The following MYO9A variants were observed in gnomAD, a reference collection of about 807,000 sequenced individuals.
MYO9A encodes myosin IXA.
Under a neutral mutation model 293.3 loss-of-function variants are expected in MYO9A, and 103 were observed. That is an observed-to-expected ratio of 0.35 (90% CI 0.30 to 0.41). The LOEUF (loss-of-function observed/expected upper bound fraction) is 0.41. Ranked by LOEUF, MYO9A falls within the 10% of genes least tolerant of loss-of-function variation. The probability of loss-of-function intolerance (pLI) is 1.00; values close to 1 mark genes in which losing one functional copy is unlikely to be tolerated. For missense variants in MYO9A, 2,685 were observed against 3,033.0 expected (o/e 0.89, Z 2.69); for synonymous variants, 1,001 against 1,035.7 (o/e 0.97, Z 0.64).
intron 39 of MYO9A, among the ~76,000 whole-genome samples, chr15:71,830,783 G>A (rs1483115611): frequency 6.6e-6 from 1 of 152,126 alleles, no homozygotes; most frequent in Non-Finnish European, 1.5e-5. Context: ...GGATAACAGT[G>A]CTCTATAACT....
chr15:71,949,861 T>G (rs917037779), intron 15 of MYO9A, among the ~76,000 whole-genome samples: 15 of 151,996 alleles, frequency 9.9e-5, no homozygotes, highest in Non-Finnish European at 2.2e-4. Flanking sequence ...TGGTGGTGGT[T>G]TTCTATCTCT....
chr15:71,986,495 A>G (rs569327143), intron 11 of MYO9A, among the ~76,000 whole-genome samples: 1 of 152,310 alleles, frequency 6.6e-6, no homozygotes, highest in South Asian at 2.1e-4. Flanking sequence ...GTCAAGAACC[A>G]ACTGCATATA....
At chr15:71,951,159 T>C (rs1243239856) in intron 15 of MYO9A, among the ~76,000 whole-genome samples, 2 of 152,190 alleles carry the variant, frequency 1.3e-5, no homozygotes, top group East Asian at 1.9e-4. Flanking sequence ...AAACCAGACA[T>C]AGGAAAGGCT....
At chr15:71,849,520 C>T (rs1349214474) in intron 38 of MYO9A, among the ~76,000 whole-genome samples, 1 of 151,970 alleles carries the variant, frequency 6.6e-6, no homozygotes, top group African/African-American at 2.4e-5. Context: ...AATGCCCAGG[C>T]TACACGCTAC....
At chr15:71,970,944 G>C (rs1479730395) in intron 12 of MYO9A, among the ~76,000 whole-genome samples, 1 of 151,606 alleles carries the variant, frequency 6.6e-6, no homozygotes, top group Non-Finnish European at 1.5e-5. Flanking sequence ...GGATCACAAG[G>C]TCAGGAGGTC....
At position 72,013,853 on chromosome 15, in the gene MYO9A, T is replaced by C. The variant is rs181912153; in HGVS notation, c.1156-3406A>G. ...ATGGAGTCTCACTCTGTTGCCGAGG[T>C]TGGAGTGCAGTGGCACAATCCCAGC... On this transcript the variant is annotated intron_variant, in intron 6 of 41. Transcript: ENST00000356056. Among the ~76,000 whole-genome samples the C allele has an allele frequency of 3.2e-4, 49 of 152,310 alleles. No homozygotes were observed. The East Asian group carries it at 7.9e-3, about 25-fold the overall frequency.
chr15:71,906,118 A>G (rs890960715), intron 19 of MYO9A, among the ~76,000 whole-genome samples: 4 of 152,100 alleles, frequency 2.6e-5, no homozygotes, highest in Non-Finnish European at 5.9e-5. Context: ...TCGCTTTTAC[A>G]TATTCTAAAT....
intron 18 of MYO9A, among the ~76,000 whole-genome samples, chr15:71,926,692 G>A (rs1383203642): frequency 6.6e-6 from 1 of 152,220 alleles, no homozygotes; most frequent in African/African-American, 2.4e-5. Context: ...GGGTGACAGT[G>A]TGGCTGTGGG....
intron 19 of MYO9A, among the ~76,000 whole-genome samples, chr15:71,909,010 T>C (rs1237180519): frequency 6.6e-6 from 1 of 152,214 alleles, no homozygotes; most frequent in Admixed American, 6.5e-5. Flanking sequence ...TCTTATGGTA[T>C]GTAGCCTTTT....
At chr15:72,118,377 A>C (rs1485829120), upstream of MYO9A, 1 of 164,114 alleles carries the variant, frequency 6.1e-6, no homozygotes, top group African/African-American at 2.4e-5. Context: ...GTTGGGGACG[A>C]AACCTCTGAG....
At chr15:72,000,594 C>T (rs1275719281) in intron 8 of MYO9A, among the ~76,000 whole-genome samples, 1 of 152,010 alleles carries the variant, frequency 6.6e-6, no homozygotes, top group East Asian at 1.9e-4. Context: ...CTATAAAGTA[C>T]CATATTGCCC....
Position 71,895,454 on chromosome 15 carries a change from C to G in MYO9A, c.5043-1676G>C, listed in dbSNP as rs1164228329. 2.0e-5 allele frequency among the ~76,000 whole-genome samples: 3 copies of G among 152,158 alleles called. No individual in the cohort carries two copies. In the East Asian group the frequency reaches 5.8e-4, roughly 29 times the overall value. On this transcript the variant is annotated intron_variant, in intron 25 of 41. Coordinates refer to ENST00000356056, the MANE Select transcript of MYO9A (RefSeq NM_006901.4). ...CTAGTATTACTTTCTAATTATAAAA[C>G]CCAATGCCGATCCTTAATGATGAAA... is the stretch of plus-strand genomic sequence containing the variant.
At chr15:71,893,632 A>C (rs760954685) in intron 26 of MYO9A, 47 bp downstream of exon 26, 2 of 1,422,072 alleles carry the variant, frequency 1.4e-6, no homozygotes, top group African/African-American at 2.8e-5. Context: ...AAAATAATGT[A>C]CATCTCTTTT....
At chr15:71,969,081 A>C (rs979206914) in intron 12 of MYO9A, among the ~76,000 whole-genome samples, 2 of 152,222 alleles carry the variant, frequency 1.3e-5, no homozygotes, top group Admixed American at 6.5e-5. Context: ...CAAACTAGGT[A>C]ACCTTCTTTG....
At chr15:72,058,961 T>C (rs1003566762) in intron 1 of MYO9A, among the ~76,000 whole-genome samples, 1 of 152,240 alleles carries the variant, frequency 6.6e-6, no homozygotes, top group Non-Finnish European at 1.5e-5. Context: ...TCAAAATATA[T>C]ACATTAATTT....
At chr15:72,110,299 G>T (rs559984170) in intron 1 of MYO9A, among the ~76,000 whole-genome samples, 9 of 149,830 alleles carry the variant, frequency 6.0e-5, no homozygotes, top group African/African-American at 7.4e-5. Context: ...AGCTGGGCAC[G>T]GTGGCAGGCA....
At chr15:71,995,611 T>C (rs1045434227) in intron 9 of MYO9A, among the ~76,000 whole-genome samples, 3 of 151,520 alleles carry the variant, frequency 2.0e-5, no homozygotes, top group African/African-American at 2.4e-5. Context: ...CAGAACTGAG[T>C]CTTAGCACTT....
intron 1 of MYO9A, among the ~76,000 whole-genome samples, chr15:72,088,695 T>A (rs1057245714): frequency 6.6e-6 from 1 of 152,178 alleles, no homozygotes; most frequent in African/African-American, 2.4e-5. Flanking sequence ...AAAAAATATA[T>A]ATATGTATAT....
At chr15:72,103,626 CAGA>C (rs1189117963) in intron 1 of MYO9A, among the ~76,000 whole-genome samples, 1 of 116,892 alleles carries the variant, frequency 8.6e-6, no homozygotes, top group South Asian at 3.4e-4. Flanking sequence ...ACAGAAGAAG[CAGA>C]AGAAGAAACA....
Sources: allele counts gnomAD v4.1 joint callset (sites outside exome capture counted in the v4.1 genomes callset), GRCh38; gene constraint gnomAD v4.1.1; transcripts MANE v1.5; gene names NCBI Gene and HGNC (gene_info 2026-07-23, HGNC 2026-07-21).